Variants in RPS6KC1 observed in about 807,000 individuals in gnomAD.
The protein encoded by RPS6KC1 is inactive ribosomal protein S6 kinase delta-1.
In RPS6KC1, 54 loss-of-function variants were observed where a neutral mutation model predicts 103.8. That is an observed-to-expected ratio of 0.52 (90% CI 0.42 to 0.65). RPS6KC1 has a LOEUF of 0.65. Among genes scored for constraint, RPS6KC1 ranks in the 30% least tolerant of loss-of-function variants. RPS6KC1 has a pLI of 0.00. For synonymous variants in RPS6KC1, 439 were observed against 438.7 expected, an observed-to-expected ratio of 1.00 and a Z score of -0.01; for missense variants, 1,151 against 1,253.8, an observed-to-expected ratio of 0.92 and a Z score of 1.24.
At chr1:213,696,524 A>G in the RPS6KC1 span, among the ~76,000 whole-genome samples, 4 of 116,830 alleles carry the variant, frequency 3.4e-5, no homozygotes, top group Non-Finnish European at 6.0e-5. Flanking sequence ...AAAAAAAAAA[A>G]AAAAAGAAAA....
chr1:213,158,470 A>G (rs1299409246), intron 6 of RPS6KC1, among the ~76,000 whole-genome samples: 2 of 152,218 alleles, frequency 1.3e-5, no homozygotes, highest in African/African-American at 4.8e-5. Flanking sequence ...AGTTGTTATA[A>G]TACTTTCCCG....
chr1:213,110,884 A>T lies in RPS6KC1; in HGVS notation c.378+6315A>T, dbSNP rs1572589586. 2.0e-5 allele frequency among the ~76,000 whole-genome samples: 3 copies of T among 151,272 alleles called. No homozygotes were observed. The South Asian group carries it at 6.2e-4, about 31-fold the overall frequency. On this transcript the variant is annotated intron_variant, in intron 4 of 14. Transcript: ENST00000366960. ...GCAACTTCAGGTGTGCTGAGCCATC[A>T]CTTTTCCTTGCCATATATTTGGCCC...
chr1:213,065,793 A>G (rs2078278681), intron 1 of RPS6KC1, among the ~76,000 whole-genome samples: 1 of 152,224 alleles, frequency 6.6e-6, no homozygotes, highest in South Asian at 2.1e-4. Context: ...AGTAGGTGAA[A>G]TAAACAAAAA....
At chr1:213,770,147 G>C in the RPS6KC1 span, among the ~76,000 whole-genome samples, 1 of 152,126 alleles carries the variant, frequency 6.6e-6, no homozygotes, top group Admixed American at 6.5e-5. Flanking sequence ...CCTGATTCTG[G>C]CCATTTCCCC....
At chr1:213,739,549 A>G in the RPS6KC1 span, among the ~76,000 whole-genome samples, 1 of 152,288 alleles carries the variant, frequency 6.6e-6, no homozygotes, top group South Asian at 2.1e-4. Flanking sequence ...AAAAGACACC[A>G]TGTTCCAGGC....
At chr1:213,592,607 A>G in the RPS6KC1 span, among the ~76,000 whole-genome samples, 1 of 152,228 alleles carries the variant, frequency 6.6e-6, no homozygotes, top group Non-Finnish European at 1.5e-5. Context: ...AGAGACTTAA[A>G]TTTGTAACCA....
At chr1:213,472,786 CAG>C in the RPS6KC1 span, among the ~76,000 whole-genome samples, 1 of 152,154 alleles carries the variant, frequency 6.6e-6, no homozygotes, top group Non-Finnish European at 1.5e-5. Flanking sequence ...ATAGAGAAAA[CAG>C]AAGAGCTTTA....
the RPS6KC1 span, among the ~76,000 whole-genome samples, chr1:213,695,011 C>T: frequency 6.6e-6 from 1 of 152,064 alleles, no homozygotes; most frequent in African/African-American, 2.4e-5. Flanking sequence ...GGGCAGCAAA[C>T]CTGAAATGGA....
At chr1:213,142,694 C>T (rs771933347) in intron 6 of RPS6KC1, among the ~76,000 whole-genome samples, 6 of 152,120 alleles carry the variant, frequency 3.9e-5, no homozygotes, top group South Asian at 4.1e-4. Flanking sequence ...CCTGATCAGT[C>T]GGCAGCCAGC....
chr1:213,507,593 G>T, the RPS6KC1 span, among the ~76,000 whole-genome samples: 1 of 150,222 alleles, frequency 6.7e-6, no homozygotes, highest in Non-Finnish European at 1.5e-5. Context: ...AACTTATCAG[G>T]TGCCTGTGGT....
intron 8 of RPS6KC1, among the ~76,000 whole-genome samples, chr1:213,214,846 G>A (rs1043576908): frequency 1.4e-4 from 22 of 152,104 alleles, no homozygotes; most frequent in Non-Finnish European, 8.8e-5. Context: ...CTAACAAACA[G>A]AAAGGACGTC....
chr1:213,579,678 C>CAGTTTACTCTCTTGTTGAG, the RPS6KC1 span, among the ~76,000 whole-genome samples: 1 of 152,030 alleles, frequency 6.6e-6, no homozygotes, highest in Admixed American at 6.5e-5. Context: ...AGAGCTAATG[C>CAGTTTACTCTCTTGTTGAG]AGCTGGTGAC....
the RPS6KC1 span, chr1:213,819,653 G>A: frequency 2.6e-5 from 4 of 152,326 alleles, no homozygotes; most frequent in East Asian, 7.7e-4. Flanking sequence ...AAAATTAAAT[G>A]ACATAATGTA....
At chr1:213,606,365 G>C in the RPS6KC1 span, among the ~76,000 whole-genome samples, 15 of 152,326 alleles carry the variant, frequency 9.8e-5, no homozygotes, top group South Asian at 1.7e-3. Context: ...GCTGCCAACT[G>C]TTCGGTGCCC....
At chr1:213,058,794 T>G (rs2077568215) in intron 1 of RPS6KC1, among the ~76,000 whole-genome samples, 1 of 152,192 alleles carries the variant, frequency 6.6e-6, no homozygotes, top group Non-Finnish European at 1.5e-5. Context: ...CTACAAAAAA[T>G]CCTTTTGGGA....
At position 213,103,644 on chromosome 1, in the gene RPS6KC1, A is replaced by G. The variant is rs144255494; in HGVS notation, c.263-810A>G. On this transcript the variant is annotated intron_variant, in intron 3 of 14. Coordinates refer to ENST00000366960, the MANE Select transcript of RPS6KC1 (RefSeq NM_012424.6). The stretch of plus-strand genomic sequence containing the variant: ...ATAACTAGGAATCTCTTTGTGCCTC[A>G]GTTTTCTGTTAATACTCTGCAAAGG... Among the ~76,000 whole-genome samples the G allele has an allele frequency of 1.1e-3, 165 of 152,274 alleles. 1 individual carries two copies. In the East Asian group the frequency reaches 0.013, roughly 12 times the overall value.
At chr1:213,545,825 A>G in the RPS6KC1 span, among the ~76,000 whole-genome samples, 1 of 152,046 alleles carries the variant, frequency 6.6e-6, no homozygotes, top group Non-Finnish European at 1.5e-5. Context: ...CCCACCAACT[A>G]TTACCATGCT....
chr1:213,355,326 G>A, the RPS6KC1 span, among the ~76,000 whole-genome samples: 7 of 152,232 alleles, frequency 4.6e-5, no homozygotes, highest in East Asian at 1.2e-3. Context: ...ACAAGGGCGT[G>A]TCATTTTCAG....
chr1:213,055,577 C>G (rs1032675647), intron 1 of RPS6KC1, among the ~76,000 whole-genome samples: 1 of 152,112 alleles, frequency 6.6e-6, no homozygotes, highest in Non-Finnish European at 1.5e-5. Context: ...TCTCATGATA[C>G]CACATGGCTT....
Sources: gnomAD v4.1 joint callset for allele counts (sites outside exome capture counted in the v4.1 genomes callset) on GRCh38, gnomAD v4.1.1 for gene constraint, MANE v1.5 for transcripts, NCBI Gene and HGNC (gene_info 2026-07-23, HGNC 2026-07-21) for gene names.